RGPD2: variants seen among roughly 807,000 people sequenced by gnomAD.
The protein encoded by RGPD2 is RANBP2 like and GRIP domain containing 2.
RGPD2 carries 2 observed loss-of-function variants against 36.0 expected under a neutral mutation model. The observed-to-expected ratio is 0.06, with a 90% CI of 0.02 to 0.17. The LOEUF (loss-of-function observed/expected upper bound fraction) is 0.17. RGPD2 is among the 10% of genes least tolerant of loss of function. The pLI is 1.00. For missense variants in RGPD2, 40 were observed against 464.3 expected, an observed-to-expected ratio of 0.09 and a Z score of 8.40; for synonymous variants, 19 against 163.8, an observed-to-expected ratio of 0.12 and a Z score of 6.75.
At chr2:87,985,191 A>C in the RGPD2 span, among the ~76,000 whole-genome samples, 1 of 147,208 alleles carries the variant, frequency 6.8e-6, no homozygotes, top group African/African-American at 2.5e-5. Flanking sequence ...GTAAGGCCTT[A>C]TACCATTAAC....
the RGPD2 span, among the ~76,000 whole-genome samples, chr2:87,837,015 T>C: frequency 6.6e-6 from 1 of 152,012 alleles, no homozygotes; most frequent in Non-Finnish European, 1.5e-5. Flanking sequence ...AAAGTTTCAA[T>C]TCAAAAATAT....
At chr2:87,815,211 A>G (rs1686252030) in intron 4 of RGPD2, among the ~76,000 whole-genome samples, 1 of 142,522 alleles carries the variant, frequency 7.0e-6, no homozygotes, top group African/African-American at 2.9e-5. Context: ...TGGTCGGGTT[A>G]AACAGGTTGA....
chr2:87,986,013 C>T, the RGPD2 span: 2 of 784,370 alleles, frequency 2.5e-6, no homozygotes, highest in South Asian at 3.8e-5. Flanking sequence ...ATGTAAAGGC[C>T]AATTATTATG....
the RGPD2 span, among the ~76,000 whole-genome samples, chr2:87,927,580 A>G: frequency 1.3e-5 from 2 of 151,572 alleles, no homozygotes; most frequent in African/African-American, 4.8e-5. Flanking sequence ...ATTCAGAATC[A>G]GAATCAATCA....
chr2:87,769,274 C>A (rs1028359559), intron 22 of RGPD2, among the ~76,000 whole-genome samples: 1 of 151,310 alleles, frequency 6.6e-6, no homozygotes, highest in Non-Finnish European at 1.5e-5. Flanking sequence ...GCCTTACATT[C>A]TCTCTCTTAA....
the RGPD2 span, among the ~76,000 whole-genome samples, chr2:87,939,251 G>C: frequency 6.6e-6 from 1 of 151,846 alleles, no homozygotes. Flanking sequence ...AGCAAAGAAA[G>C]ATATTTTTTC....
chr2:87,910,558 T>C, the RGPD2 span, among the ~76,000 whole-genome samples: 1 of 152,248 alleles, frequency 6.6e-6, no homozygotes, highest in Non-Finnish European at 1.5e-5. Context: ...TTGTTGTGAG[T>C]TCTTTTATTC....
At position 87,825,689 on chromosome 2, in the gene RGPD2, G is replaced by T. The variant is rs765231236; in HGVS notation, c.41C>A (p.Ser14Ter). The part of the protein sequence containing the change: ...SKAYGERYLA[S>*]VQGSAPSPGK... ...AGGCGACGGGGCGGAGCCCTGCACC[G>T]AGGCGAGGTACCGCTCCCCGTAGGC... is the stretch of plus-strand genomic sequence containing the variant. The change falls in exon 1 of 23, where the codon TCG becomes TAG. Residue 14 changes from serine (S) to a stop codon, truncating the protein, a stop_gained. Coordinates refer to ENST00000398146, the MANE Select transcript of RGPD2 (RefSeq NM_001078170.3). LOFTEE classifies it high-confidence loss of function. 8 of 1,599,650 alleles carry T rather than the reference G, an allele frequency of 5.0e-6. No individual in the cohort carries two copies. Among genetic ancestry groups the T allele is most frequent in the East Asian group, 2.3e-5 (1 of 44,400 alleles).
chr2:87,961,375 G>C, the RGPD2 span, among the ~76,000 whole-genome samples: 6 of 151,746 alleles, frequency 4.0e-5, no homozygotes, highest in Non-Finnish European at 8.8e-5. Context: ...AGCTGCACTC[G>C]GCCGGGCTCT....
At chr2:87,937,691 A>C in the RGPD2 span, among the ~76,000 whole-genome samples, 25 of 152,080 alleles carry the variant, frequency 1.6e-4, no homozygotes, top group African/African-American at 5.5e-4. Flanking sequence ...CACCTCAGAC[A>C]TTTCAAGATG....
At chr2:87,903,561 C>G in the RGPD2 span, among the ~76,000 whole-genome samples, 32 of 151,868 alleles carry the variant, frequency 2.1e-4, 3 homozygotes, top group Admixed American at 1.6e-3. Context: ...TTCCTCCCCC[C>G]AGACATATGA....
At chr2:87,864,661 C>T in the RGPD2 span, among the ~76,000 whole-genome samples, 31 of 152,400 alleles carry the variant, frequency 2.0e-4, no homozygotes, top group East Asian at 1.3e-3. Context: ...GTAGATAGAT[C>T]GATCTTCTCT....
At chr2:87,919,862 T>C in the RGPD2 span, among the ~76,000 whole-genome samples, 1 of 151,652 alleles carries the variant, frequency 6.6e-6, no homozygotes, top group Admixed American at 6.6e-5. Context: ...TATTAGAGAA[T>C]ATAAGTACCT....
chr2:87,955,054 C>T, the RGPD2 span, among the ~76,000 whole-genome samples: 1 of 39,128 alleles, frequency 2.6e-5, no homozygotes, highest in Non-Finnish European at 4.8e-5. Context: ...TCGTCTGTCG[C>T]CCAGGCTGGA....
At chr2:87,883,896 G>C in the RGPD2 span, among the ~76,000 whole-genome samples, 2 of 151,384 alleles carry the variant, frequency 1.3e-5, no homozygotes, top group Admixed American at 1.3e-4. Context: ...CATTCAGACA[G>C]AAAATCAATA....
chr2:87,967,312 G>A, the RGPD2 span, among the ~76,000 whole-genome samples: 4 of 149,164 alleles, frequency 2.7e-5, 1 homozygote, highest in African/African-American at 1.0e-4. Flanking sequence ...GGAGGCTGAG[G>A]CAGGACAACA....
At chr2:87,978,856 T>C in the RGPD2 span, among the ~76,000 whole-genome samples, 31 of 145,932 alleles carry the variant, frequency 2.1e-4, no homozygotes, top group African/African-American at 7.8e-4. Flanking sequence ...AGTTCGAGAT[T>C]ACAGCCAACT....
the RGPD2 span, among the ~76,000 whole-genome samples, chr2:87,877,855 C>T: frequency 6.8e-6 from 1 of 146,480 alleles, no homozygotes; most frequent in African/African-American, 2.5e-5. Context: ...CTATTGGCTC[C>T]TAATCTCATT....
At chr2:87,922,255 T>C in the RGPD2 span, among the ~76,000 whole-genome samples, 2 of 128,504 alleles carry the variant, frequency 1.6e-5, no homozygotes, top group African/African-American at 6.2e-5. Context: ...ATCGAGCCAC[T>C]GCTCTCCAGC....
Sources: gnomAD v4.1 joint callset for allele counts (sites outside exome capture counted in the v4.1 genomes callset) on GRCh38, gnomAD v4.1.1 for gene constraint, MANE v1.5 for transcripts, NCBI Gene and HGNC (gene_info 2026-07-23, HGNC 2026-07-21) for gene names.